The following BPNT1 variants were observed in gnomAD, a reference collection of about 807,000 sequenced individuals.
The protein encoded by BPNT1 is 3'(2'),5'-bisphosphate nucleotidase 1.
BPNT1 carries 28 observed loss-of-function variants against 36.9 expected under a neutral mutation model. The ratio of observed to expected loss-of-function variants is 0.76; its 90% CI spans 0.56 to 1.04. The LOEUF is 1.04. BPNT1 is among the 50% of genes least tolerant of loss of function. The pLI is 0.00. For missense variants in BPNT1, 313 were observed against 372.9 expected, an observed-to-expected ratio of 0.84 and a Z score of 1.32; for synonymous variants, 119 against 130.9, an observed-to-expected ratio of 0.91 and a Z score of 0.62.
At chr1:220,080,830 G>C (rs1038693402) in intron 1 of BPNT1, among the ~76,000 whole-genome samples, 1 of 152,130 alleles carries the variant, frequency 6.6e-6, no homozygotes, top group Non-Finnish European at 1.5e-5. Flanking sequence ...CTCCATCTTC[G>C]TCAGTAGCCA....
At chr1:220,072,213 A>G (rs911947381) in intron 4 of BPNT1, among the ~76,000 whole-genome samples, 1 of 151,510 alleles carries the variant, frequency 6.6e-6, no homozygotes, top group Admixed American at 6.6e-5. Flanking sequence ...ATACAAAAAA[A>G]TTAGCTGGGC....
chr1:220,075,511 A>T (rs1664466143), intron 2 of BPNT1, among the ~76,000 whole-genome samples: 1 of 152,218 alleles, frequency 6.6e-6, no homozygotes, highest in Non-Finnish European at 1.5e-5. Context: ...TGTGCCTAGC[A>T]CACAGTAGGT....
chr1:220,067,224 G>T, intron 6 of BPNT1, 78 bp downstream of exon 6: 1 of 828,012 alleles, frequency 1.2e-6, no homozygotes, highest in Non-Finnish European at 1.7e-6. Context: ...AAAACCACTT[G>T]CTTAGGTAAC....
chr1:220,075,983 A>G (rs1372717073), intron 2 of BPNT1, among the ~76,000 whole-genome samples: 1 of 152,214 alleles, frequency 6.6e-6, no homozygotes, highest in Non-Finnish European at 1.5e-5. Flanking sequence ...ATAATTCAAA[A>G]TATTGGCAAT....
intron 2 of BPNT1, 92 bp from the exon 3 acceptor site, chr1:220,074,163 C>T: frequency 1.7e-6 from 2 of 1,143,046 alleles, no homozygotes; most frequent in Non-Finnish European, 2.5e-6. Flanking sequence ...ATTTAGATTA[C>T]ACTGTCAGTT....
At chr1:220,071,907 G>A (rs969991609) in intron 4 of BPNT1, among the ~76,000 whole-genome samples, 67 of 151,706 alleles carry the variant, frequency 4.4e-4, no homozygotes, top group African/African-American at 1.6e-3. Context: ...GGCTGGTCTT[G>A]AACTCTCGAC....
rs566480764 is a variant in BPNT1 at position 220,079,047 on chromosome 1, A to C, written c.120+680T>G. On this transcript the variant is annotated intron_variant, in intron 2 of 8. Coordinates refer to ENST00000322067, the MANE Select transcript of BPNT1 (RefSeq NM_006085.6). ...TGAGTTTCTTTTCCATGAGGAAGAAAAGAATGTATCACTTTGATTATAACA... is the reference window on the plus strand; with the variant it reads ...TGAGTTTCTTTTCCATGAGGAAGAACAGAATGTATCACTTTGATTATAACA... Among the ~76,000 whole-genome samples, 5 of 152,314 alleles carry C rather than the reference A, an allele frequency of 3.3e-5. No individual in the cohort carries two copies. In the South Asian group the frequency reaches 8.3e-4, roughly 25 times the overall value.
rs369795710 is a variant in BPNT1, at chr1:220,067,366, A to G, written c.410T>C (p.Ile137Thr). 75 of 1,609,590 alleles carry G rather than the reference A, an allele frequency of 4.7e-5. No homozygotes were observed. Among genetic ancestry groups the G allele is most frequent in the African/African-American group, 1.9e-4 (14 of 74,770 alleles). Residue 137 changes from isoleucine to threonine, a missense_variant, in exon 6 of 9, where the codon ATT becomes ACT. By Grantham distance (89) the Ile-to-Thr change is moderately conservative. Transcript: ENST00000322067. ...GGCTTTTCCTTCATAAGCAATTCCA[A>G]TAAGAACTGTTACATTGTCAAGAAG... is the stretch of plus-strand genomic sequence containing the variant. ...EGLLDNVTVL[I>T]GIAYEGKAIA...
chr1:220,079,597 G>T, intron 2 of BPNT1, 130 bp downstream of exon 2: 2 of 1,129,112 alleles, frequency 1.8e-6, no homozygotes, highest in Non-Finnish European at 2.5e-6. Flanking sequence ...AGAACCAAGC[G>T]TCTTGCAGTC....
Position 220,058,534 on chromosome 1 carries a change from G to GTT in BPNT1, c.*308_*309dup, listed in dbSNP as rs895686913. The GTT allele has an allele frequency of 7.7e-4, 650 of 841,436 alleles. No homozygotes were observed. Among genetic ancestry groups the GTT allele is most frequent in the South Asian group, 9.1e-4 (17 of 18,774 alleles). 52.1% of individuals were successfully genotyped at this position (841,436 alleles called of 1,614,324 possible). ...AACTTTAAGTACTTTTTGGGTTTTT[G>GTT]TTTTTTTTTTTTCTGAGACAGGGCT... On this transcript the variant is annotated 3_prime_UTR_variant, in exon 9 of 9. Coordinates refer to ENST00000322067, the MANE Select transcript of BPNT1 (RefSeq NM_006085.6).
intron 1 of BPNT1, among the ~76,000 whole-genome samples, chr1:220,086,056 C>A (rs1655687138): frequency 6.6e-6 from 1 of 152,008 alleles, no homozygotes; most frequent in Non-Finnish European, 1.5e-5. Flanking sequence ...GGAGCAAATT[C>A]TGGAAAAAGA....
chr1:220,083,065 C>T (rs868365977), intron 1 of BPNT1, among the ~76,000 whole-genome samples: 1 of 151,252 alleles, frequency 6.6e-6, no homozygotes, highest in Non-Finnish European at 1.5e-5. Flanking sequence ...GGTGAAACCC[C>T]GTGTCTACTA....
At chr1:220,076,964 G>A (rs1009293480) in intron 2 of BPNT1, among the ~76,000 whole-genome samples, 2 of 152,072 alleles carry the variant, frequency 1.3e-5, no homozygotes, top group Admixed American at 1.3e-4. Context: ...GCATGAACTA[G>A]CCCGCTCAGC....
chr1:220,082,488 T>C (rs1174757835), intron 1 of BPNT1, among the ~76,000 whole-genome samples: 1 of 152,072 alleles, frequency 6.6e-6, no homozygotes, highest in East Asian at 1.9e-4. Flanking sequence ...GCCCTGGGAC[T>C]ATAGAGAACA....
chr1:220,059,425 A>G (rs77723788), intron 8 of BPNT1, among the ~76,000 whole-genome samples: 4 of 150,162 alleles, frequency 2.7e-5, no homozygotes, highest in African/African-American at 9.7e-5. Flanking sequence ...AAAAAAAAAA[A>G]GGCTATAAAT....
intron 8 of BPNT1, among the ~76,000 whole-genome samples, chr1:220,059,243 C>CTTTTTTTTTTT (rs11292010): frequency 3.4e-3 from 194 of 57,850 alleles, no homozygotes; most frequent in African/African-American, 5.9e-3. Flanking sequence ...ATTTTCTTTT[C>CTTTTTTTTTTT]TTTTTTTTTT....
At chr1:220,080,098 G>T (rs990389469) in intron 1 of BPNT1, among the ~76,000 whole-genome samples, 1 of 152,178 alleles carries the variant, frequency 6.6e-6, no homozygotes, top group South Asian at 2.1e-4. Flanking sequence ...CAAAGCATAG[G>T]AGAAACTGGC....
At position 220,072,822 on chromosome 1, in the gene BPNT1, G is replaced by T. The variant is rs75957801; in HGVS notation, c.333+28C>A. 8.0e-5 allele frequency: 124 copies of T among 1,556,592 alleles called. No individual in the cohort carries two copies. In the East Asian group the frequency reaches 2.6e-3, roughly 33 times the overall value. On this transcript the variant is annotated intron_variant, in intron 4 of 8. Coordinates refer to ENST00000322067, the MANE Select transcript of BPNT1 (RefSeq NM_006085.6). ...CTATGGCAAAAAGCCCAGGTTAATAGAGAGTTGAGTATAAATATGGGTCAT... is the reference window on the plus strand; with the variant it reads ...CTATGGCAAAAAGCCCAGGTTAATATAGAGTTGAGTATAAATATGGGTCAT...
intron 7 of BPNT1, among the ~76,000 whole-genome samples, chr1:220,060,473 C>T (rs1662923550): frequency 6.6e-6 from 1 of 151,980 alleles, no homozygotes; most frequent in Non-Finnish European, 1.5e-5. Flanking sequence ...GAGACTCTGT[C>T]TCAAACAAAC....
Sources: gnomAD v4.1 joint callset for allele counts (sites outside exome capture counted in the v4.1 genomes callset) on GRCh38, gnomAD v4.1.1 for gene constraint, MANE v1.5 for transcripts, NCBI Gene and HGNC (gene_info 2026-07-23, HGNC 2026-07-21) for gene names.